Variants in NAA38 observed in about 807,000 individuals in gnomAD.
NAA38 encodes N-alpha-acetyltransferase 38, NatC auxiliary subunit, also known as LSM domain containing 1.
Under a neutral mutation model 12.6 loss-of-function variants are expected in NAA38, and 15 were observed. The observed-to-expected ratio is 1.19, with a 90% CI of 0.79 to 1.83. The LOEUF is 1.83. Among genes scored for constraint, NAA38 ranks in the 40% most tolerant of loss-of-function variants. The pLI is 0.00. For missense variants in NAA38, 183 were observed against 171.7 expected (o/e 1.07, Z -0.37); for synonymous variants, 88 against 69.9 (o/e 1.26, Z -1.29).
chr17:7,859,138 G>C (rs998800176), upstream of NAA38: 4 of 593,498 alleles, frequency 6.7e-6, no homozygotes, highest in African/African-American at 7.4e-5. Flanking sequence ...AATCTACTCT[G>C]TTGCATGGAT....
At chr17:7,858,207 G>A (rs777278386), upstream of NAA38, 3 of 1,613,846 alleles carry the variant, frequency 1.9e-6, no homozygotes, top group African/African-American at 1.3e-5. Context: ...GCCGGCGGAG[G>A]TGGCCCAACA....
intron 1 of NAA38, chr17:7,885,109 C>A (rs191420949): frequency 0.14 from 137,558 of 982,660 alleles, 10,679 homozygotes; most frequent in East Asian, 0.41. Flanking sequence ...GACTCCCCCC[C>A]CAAGCCCGAG....
chr17:7,857,534 C>T lies in NAA38; in HGVS notation c.-71G>A, dbSNP rs929647016. 7.5e-6 allele frequency: 11 copies of T among 1,459,066 alleles called. No individual in the cohort carries two copies. The highest frequency in any genetic ancestry group is 1.4e-5 in the African/African-American group (1 of 70,388). The allele number at this position is 1,459,066 out of a possible 1,614,324, so 90.4% of individuals were successfully genotyped here. A position where few individuals can be genotyped will look rare whatever the true frequency, so the allele number is the denominator to read the frequency against. Reference sequence around the variant, plus strand: ...TCAGGTTGGGTGGTCCGAGATCTCGCGAGCGCTCCCGACCTCTTTCCTTTC... The same window carrying T: ...TCAGGTTGGGTGGTCCGAGATCTCGTGAGCGCTCCCGACCTCTTTCCTTTC... On this transcript the variant is annotated 5_prime_UTR_variant, in exon 1 of 3. Transcript: ENST00000575771.
chr17:7,857,623 C>T (rs978215022), upstream of NAA38: 2 of 1,362,410 alleles, frequency 1.5e-6, no homozygotes, highest in Admixed American at 3.6e-5. Context: ...GCGAGCTTCT[C>T]CTACTTCTCT....
chr17:7,870,767 A>G (rs555173471), intron 2 of NAA38, among the ~76,000 whole-genome samples: 4 of 151,864 alleles, frequency 2.6e-5, no homozygotes, highest in Admixed American at 6.6e-5. Context: ...CACGCCTGTA[A>G]TCCCAGCTAC....
upstream of NAA38, chr17:7,885,307 C>CCCGCCGCCGCCGCCCCCGCCGCCG (rs1555603805): frequency 1.1e-4 from 17 of 157,276 alleles, no homozygotes; most frequent in African/African-American, 4.5e-4. Flanking sequence ...GCACCCCTCC[C>CCCGCCGCCGCCGCCCCCGCCGCCG]CCGCCGCCGC....
chr17:7,859,303 G>C, upstream of NAA38: 1 of 1,173,918 alleles, frequency 8.5e-7, no homozygotes, highest in South Asian at 1.3e-5. Flanking sequence ...ATCTGCCAAG[G>C]GAGGCACTTT....
At position 7,869,767 on chromosome 17, in the gene NAA38, AAAAAG is replaced by A. The variant is rs199578911; in HGVS notation, c.-65-3214_-65-3210del. Among the ~76,000 whole-genome samples, 30 of 152,228 alleles carry A rather than the reference AAAAAG, an allele frequency of 2.0e-4. No individual in the cohort carries two copies. In the East Asian group the frequency reaches 5.4e-3, roughly 27 times the overall value. On this transcript the variant is annotated intron_variant, in intron 2 of 4. Transcript: ENST00000576861. ...GACAGAGCAAGACTCCGTCTCCAAA[AAAAAG>A]AAAAGAAAAAAAAATATTTTCCTTT...
intron 2 of NAA38, among the ~76,000 whole-genome samples, chr17:7,879,855 T>C (rs926087056): frequency 3.3e-5 from 5 of 151,458 alleles, no homozygotes; most frequent in Admixed American, 3.3e-4. Context: ...AAAAGAAATA[T>C]AGAGAAACCT....
upstream of NAA38, chr17:7,859,128 A>C: frequency 1.7e-6 from 1 of 577,604 alleles, no homozygotes; most frequent in Non-Finnish European, 3.1e-6. Flanking sequence ...CTTTCTTTTT[A>C]ATCTACTCTG....
intron 2 of NAA38, among the ~76,000 whole-genome samples, chr17:7,882,802 C>A (rs1310766735): frequency 6.6e-6 from 1 of 152,194 alleles, no homozygotes; most frequent in Non-Finnish European, 1.5e-5. Flanking sequence ...TTCCCAGTCA[C>A]TAATACTTTC....
chr17:7,868,232 C>A (rs1967023814), intron 2 of NAA38, among the ~76,000 whole-genome samples: 1 of 152,054 alleles, frequency 6.6e-6, no homozygotes, highest in Non-Finnish European at 1.5e-5. Context: ...AGAGGCCAAG[C>A]AGGAAATGTT....
chr17:7,858,014 T>G, upstream of NAA38: 1 of 1,526,242 alleles, frequency 6.6e-7, no homozygotes, highest in African/African-American at 1.4e-5. Flanking sequence ...ATGGTTTCCA[T>G]GTCAGCGGAT....
intron 2 of NAA38, among the ~76,000 whole-genome samples, chr17:7,877,733 C>T (rs935032440): frequency 6.6e-6 from 1 of 152,142 alleles, no homozygotes; most frequent in African/African-American, 2.4e-5. Context: ...AAGTATAACA[C>T]ATACTATTAA....
Position 7,856,752 on chromosome 17 carries a change from C to T in NAA38, c.357G>A (p.Leu119=). ...GTGGTCAGAGATACGGAGGCCCGGT[C>T]AGACTCTCCCTCTGCACCTCAATGG... ...IVSIEVQRES[L]TGPPYL Residue 119 remains leucine, a synonymous_variant, in exon 3 of 3, where the codon CTG becomes CTA. Transcript: ENST00000575771. 1 of 1,613,988 alleles carries T rather than the reference C, an allele frequency of 6.2e-7. No individual in the cohort carries two copies. Among genetic ancestry groups the T allele is most frequent in the Non-Finnish European group, 8.5e-7 (1 of 1,179,976 alleles).
At position 7,885,005 on chromosome 17, in the gene NAA38, C is replaced by T. The variant is rs935201217; in HGVS notation, c.-167+160G>A. On this transcript the variant is annotated intron_variant, in intron 1 of 4. Transcript: ENST00000576861. ...CGACCGGGGCCGCGACCGCCACAGC[C>T]CCCCCGGCTGCCACCTCTTCCCGCC... 16 of 1,240,710 alleles carry T rather than the reference C, an allele frequency of 1.3e-5. No homozygotes were observed. The African/African-American group carries it at 1.6e-4, about 12-fold the overall frequency. The allele number at this position is 1,240,710 out of a possible 1,614,324, so 76.9% of individuals were successfully genotyped here.
chr17:7,871,948 C>G (rs1212366757), intron 2 of NAA38, among the ~76,000 whole-genome samples: 2 of 152,180 alleles, frequency 1.3e-5, no homozygotes, highest in Admixed American at 6.5e-5. Flanking sequence ...AGCCACCAAG[C>G]CTGTCCTTAC....
rs750869109 is a variant in NAA38, at chr17:7,857,144, C to G, written c.136G>C (p.Glu46Gln). 2 of 1,613,008 alleles carry G rather than the reference C, an allele frequency of 1.2e-6. No homozygotes were observed. Among genetic ancestry groups the G allele is most frequent in the Admixed American group, 1.7e-5 (1 of 60,012 alleles). The change falls in exon 2 of 3, where the codon GAG (glutamate) becomes CAG (glutamine). Residue 46 changes from glutamate (E) to glutamine (Q), a missense_variant. Transcript: ENST00000575771. ...CGCATAGTCTTGTTGAGCAGCGCCT[C>G]TAGCTGCTGTCGGGCGCGCTCAGCC... is the stretch of plus-strand genomic sequence containing the variant. Reference protein sequence around the residue: ...SAAERARQQLEALLNKTMRIR... With the variant: ...SAAERARQQLQALLNKTMRIR...
chr17:7,869,660 G>A (rs1967051227), intron 2 of NAA38, among the ~76,000 whole-genome samples: 1 of 152,038 alleles, frequency 6.6e-6, no homozygotes, highest in African/African-American at 2.4e-5. Context: ...CTACTTGGAA[G>A]GCTAAGGCAG....
Sources: gnomAD v4.1 joint callset for allele counts (sites outside exome capture counted in the v4.1 genomes callset) on GRCh38, gnomAD v4.1.1 for gene constraint, MANE v1.5 for transcripts, NCBI Gene and HGNC (gene_info 2026-07-23, HGNC 2026-07-21) for gene names.